The following TSPAN5 variants were observed in gnomAD, a reference collection of about 807,000 sequenced individuals.
TSPAN5 encodes tetraspanin-5.
Under a neutral mutation model 37.1 loss-of-function variants are expected in TSPAN5, and 10 were observed. The observed-to-expected ratio is 0.27, with a 90% CI of 0.17 to 0.46. TSPAN5 has a LOEUF of 0.46. Among genes scored for constraint, TSPAN5 ranks in the 20% least tolerant of loss-of-function variants. The probability of loss-of-function intolerance (pLI) is 1.00; values close to 1 mark genes in which losing one functional copy is unlikely to be tolerated. For missense variants in TSPAN5, 195 were observed against 326.6 expected (o/e 0.60, Z 3.11); for synonymous variants, 110 against 118.9 (o/e 0.93, Z 0.48).
At chr4:98,550,023 C>G (rs1189018916) in intron 1 of TSPAN5, among the ~76,000 whole-genome samples, 1 of 152,034 alleles carries the variant, frequency 6.6e-6, no homozygotes, top group Non-Finnish European at 1.5e-5. Context: ...AGTTTCAGGT[C>G]TTACGTTTAG....
At chr4:98,517,502 C>T (rs1753761427) in intron 1 of TSPAN5, among the ~76,000 whole-genome samples, 1 of 151,934 alleles carries the variant, frequency 6.6e-6, no homozygotes, top group African/African-American at 2.4e-5. Flanking sequence ...GGGCTCTTTG[C>T]CTTTGAACTT....
intron 1 of TSPAN5, among the ~76,000 whole-genome samples, chr4:98,540,930 GA>G (rs1399378193): frequency 1.3e-5 from 2 of 152,174 alleles, no homozygotes; most frequent in African/African-American, 4.8e-5. Context: ...TTCTAGCCAA[GA>G]AAACTGTGGT....
chr4:98,551,997 T>C (rs1754629434), intron 1 of TSPAN5, among the ~76,000 whole-genome samples: 2 of 152,178 alleles, frequency 1.3e-5, no homozygotes, highest in African/African-American at 4.8e-5. Context: ...AGCATATAGT[T>C]GTTAATAATA....
chr4:98,508,141 T>C (rs987910221), intron 1 of TSPAN5, among the ~76,000 whole-genome samples: 1 of 152,174 alleles, frequency 6.6e-6, no homozygotes, highest in Non-Finnish European at 1.5e-5. Flanking sequence ...TATTGAGCCA[T>C]TACAAATGGG....
At position 98,644,480 on chromosome 4, in the gene TSPAN5, G is replaced by A. The variant is rs980958252; in HGVS notation, c.81+13666C>T. Among the ~76,000 whole-genome samples the A allele has an allele frequency of 3.3e-5, 5 of 151,532 alleles. No homozygotes were observed. The Middle Eastern group carries it at 0.014, about 412-fold the overall frequency. ...TTAAAAAAGCAATATTGATGTTCCCGTATTTTTGGAATAAAAAAGCACCCT... is the reference window on the plus strand; with the variant it reads ...TTAAAAAAGCAATATTGATGTTCCCATATTTTTGGAATAAAAAAGCACCCT... On this transcript the variant is annotated intron_variant, in intron 1 of 7. Coordinates refer to ENST00000305798, the MANE Select transcript of TSPAN5 (RefSeq NM_005723.4).
At chr4:98,640,045 C>T (rs1756930273) in intron 1 of TSPAN5, among the ~76,000 whole-genome samples, 1 of 152,040 alleles carries the variant, frequency 6.6e-6, no homozygotes, top group Non-Finnish European at 1.5e-5. Context: ...TTTTTTAAGA[C>T]ATATTTTTAC....
rs1268624377 is a variant in TSPAN5 at position 98,546,848 on chromosome 4, C to T, written c.82-39120G>A. ...TTTTTCCTTAACTAAATATTAGAGA[C>T]TAAGGATCCTTTCACAAAACCCCCA... On this transcript the variant is annotated intron_variant, in intron 1 of 7. Coordinates refer to ENST00000305798, the MANE Select transcript of TSPAN5 (RefSeq NM_005723.4). Among the ~76,000 whole-genome samples the T allele has an allele frequency of 3.3e-5, 5 of 152,326 alleles. No individual in the cohort carries two copies. The East Asian group carries it at 9.6e-4, about 29-fold the overall frequency.
At chr4:98,542,212 T>C (rs1754374785) in intron 1 of TSPAN5, among the ~76,000 whole-genome samples, 1 of 152,218 alleles carries the variant, frequency 6.6e-6, no homozygotes, top group African/African-American at 2.4e-5. Context: ...GAGCTACCAG[T>C]GGTCCTAGTG....
At chr4:98,587,582 G>A (rs1047243103) in intron 1 of TSPAN5, among the ~76,000 whole-genome samples, 4 of 152,090 alleles carry the variant, frequency 2.6e-5, no homozygotes, top group Admixed American at 6.5e-5. Flanking sequence ...AAGGCACATC[G>A]CCATCTCCAT....
intron 1 of TSPAN5, among the ~76,000 whole-genome samples, chr4:98,571,843 T>G (rs1755128611): frequency 6.6e-6 from 1 of 152,210 alleles, no homozygotes; most frequent in Middle Eastern, 3.2e-3. Flanking sequence ...AGTAACAATA[T>G]GTACTACCAG....
intron 1 of TSPAN5, among the ~76,000 whole-genome samples, chr4:98,512,661 G>T (rs1184868612): frequency 6.6e-6 from 1 of 152,164 alleles, no homozygotes. Context: ...CTATCTGGTG[G>T]TTTTCTTCCT....
chr4:98,605,092 AAAC>A (rs1482605167), intron 1 of TSPAN5, among the ~76,000 whole-genome samples: 3 of 152,226 alleles, frequency 2.0e-5, no homozygotes, highest in Non-Finnish European at 4.4e-5. Context: ...AAGGTTTAAA[AAAC>A]AATAATGGTA....
intron 7 of TSPAN5, 142 bp from the exon 8 acceptor site, chr4:98,472,729 A>G (rs1197972151): frequency 4.5e-6 from 3 of 671,654 alleles, no homozygotes; most frequent in Non-Finnish European, 7.7e-6. Flanking sequence ...TGAAATGTGT[A>G]TAATTCAGGG....
chr4:98,646,805 G>A (rs1258801719), intron 1 of TSPAN5, among the ~76,000 whole-genome samples: 1 of 152,042 alleles, frequency 6.6e-6, no homozygotes, highest in Non-Finnish European at 1.5e-5. Flanking sequence ...TCTGAAAGAA[G>A]GGAAAACAAT....
At chr4:98,545,691 G>T (rs1270070607) in intron 1 of TSPAN5, among the ~76,000 whole-genome samples, 3 of 152,030 alleles carry the variant, frequency 2.0e-5, no homozygotes, top group African/African-American at 7.2e-5. Context: ...CACCACACCT[G>T]GCTAATTTCT....
chr4:98,591,677 TAAATA>T (rs1269299899), intron 1 of TSPAN5, among the ~76,000 whole-genome samples: 2 of 123,614 alleles, frequency 1.6e-5, no homozygotes, highest in Non-Finnish European at 3.3e-5. Context: ...TATATTGGGG[TAAATA>T]AAATAATTAT....
In TSPAN5 at chr4:98,547,282, G is replaced by A. The variant is rs190384235; in HGVS notation, c.82-39554C>T. Among the ~76,000 whole-genome samples, 45 of 152,326 alleles carry A rather than the reference G, an allele frequency of 3.0e-4. No homozygotes were observed. In the East Asian group the frequency reaches 6.9e-3, roughly 23 times the overall value. On this transcript the variant is annotated intron_variant, in intron 1 of 7. Coordinates refer to ENST00000305798, the MANE Select transcript of TSPAN5 (RefSeq NM_005723.4). ...TAAACTGTTGTCATAAATTGCTTAT[G>A]AGAGCAAAGTAACAAACTATCACTT...
At chr4:98,616,643 T>C (rs1756344855) in intron 1 of TSPAN5, among the ~76,000 whole-genome samples, 1 of 152,158 alleles carries the variant, frequency 6.6e-6, no homozygotes, top group Admixed American at 6.5e-5. Context: ...CTCCTCTTAG[T>C]ATGAAGAGCC....
At chr4:98,487,423 G>C (rs1418930567) in intron 2 of TSPAN5, among the ~76,000 whole-genome samples, 1 of 152,150 alleles carries the variant, frequency 6.6e-6, no homozygotes, top group African/African-American at 2.4e-5. Flanking sequence ...AGAGGGGGGA[G>C]GTCATCTTCT....
Sources: gnomAD v4.1 joint callset for allele counts (sites outside exome capture counted in the v4.1 genomes callset) on GRCh38, gnomAD v4.1.1 for gene constraint, MANE v1.5 for transcripts, NCBI Gene and HGNC (gene_info 2026-07-23, HGNC 2026-07-21) for gene names.